Variants in HOGA1 observed in about 807,000 individuals in gnomAD.
The protein encoded by HOGA1 is 4-hydroxy-2-oxoglutarate aldolase, mitochondrial.
HOGA1 carries 30 observed loss-of-function variants against 34.3 expected under a neutral mutation model. That is an observed-to-expected ratio of 0.87 (90% CI 0.65 to 1.19). The LOEUF is 1.19. Ranked by LOEUF, HOGA1 falls within the 50% of genes most tolerant of loss-of-function variation. HOGA1 has a pLI of 0.00. For missense variants in HOGA1, 417 were observed against 436.5 expected (o/e 0.96, Z 0.40); for synonymous variants, 161 against 174.0 (o/e 0.93, Z 0.59).
rs561900620 is a variant in HOGA1, at chr10:97,603,326, A to C, written c.834+1336A>C. 1.3e-5 allele frequency among the ~76,000 whole-genome samples: 2 copies of C among 151,920 alleles called. No homozygotes were observed. The highest frequency in any genetic ancestry group is 4.8e-5 in the African/African-American group (2 of 41,376). ...GGTCATTCTCTGTCACCCAGGCTAGAGTACAGTGGTGTGATGACAGCTCAC... is the reference window on the plus strand; with the variant it reads ...GGTCATTCTCTGTCACCCAGGCTAGCGTACAGTGGTGTGATGACAGCTCAC... On this transcript the variant is annotated intron_variant, in intron 6 of 6. Coordinates refer to ENST00000370646, the MANE Select transcript of HOGA1 (RefSeq NM_138413.4). This position sits in a 1 kb window ranked among gnomAD's most constrained non-coding sequence, Gnocchi z 4.5.
intron 1 of HOGA1, among the ~76,000 whole-genome samples, chr10:97,597,530 A>G (rs138566256): frequency 6.6e-6 from 1 of 152,320 alleles, no homozygotes; most frequent in Non-Finnish European, 1.5e-5. Context: ...TGATAAAAAC[A>G]GGAAAACGCA....
chr10:97,591,561 G>T (rs902930418), intron 1 of HOGA1, among the ~76,000 whole-genome samples: 1 of 152,082 alleles, frequency 6.6e-6, no homozygotes, highest in Admixed American at 6.6e-5. Context: ...AGCCCTGCGT[G>T]CATTAGCTAT....
intron 1 of HOGA1, among the ~76,000 whole-genome samples, chr10:97,593,227 G>A (rs1217969616): frequency 1.3e-5 from 2 of 152,096 alleles, no homozygotes; most frequent in Admixed American, 1.3e-4. Context: ...TGTAATCCCA[G>A]CACTTTGGGA....
rs575089921 is a variant in HOGA1, at chr10:97,595,470, C to T, written c.212-3305C>T. 7.9e-5 allele frequency among the ~76,000 whole-genome samples: 12 copies of T among 152,322 alleles called. No homozygotes were observed. In the South Asian group the frequency reaches 1.4e-3, roughly 18 times the overall value. On this transcript the variant is annotated intron_variant, in intron 1 of 6. Transcript: ENST00000370646. ...CAGCACTTTGGGAGGCCAAGGCAGG[C>T]GGATCACCTGAGGCCAGGAGTTCGA...
Position 97,597,450 on chromosome 10 carries a change from C to T in HOGA1, c.212-1325C>T, listed in dbSNP as rs114986809. Among the ~76,000 whole-genome samples the T allele has an allele frequency of 3.4e-3, 513 of 151,912 alleles. 3 individuals carry two copies. Among genetic ancestry groups the T allele is most frequent in the Middle Eastern group, 0.01 (3 of 294 alleles). On this transcript the variant is annotated intron_variant, in intron 1 of 6. Transcript: ENST00000370646. ...AAAGAAGAAGAAAGAGAAAGTTAAG[C>T]GGGCTGGGCACTGTGGCTCACCTGT...
intron 5 of HOGA1, 122 bp downstream of exon 5, chr10:97,600,285 C>A: frequency 1.2e-6 from 1 of 848,096 alleles, no homozygotes; most frequent in Non-Finnish European, 2.0e-6. Flanking sequence ...GCCAGCCTGC[C>A]CACTCTGAAA....
intron 6 of HOGA1, among the ~76,000 whole-genome samples, chr10:97,608,784 C>T (rs1023320862): frequency 4.1e-5 from 6 of 146,618 alleles, no homozygotes; most frequent in African/African-American, 1.0e-4. Flanking sequence ...CCAGCCTGGG[C>T]GACAGAGTGG....
chr10:97,611,028 G>A (rs2041191360), intron 6 of HOGA1, among the ~76,000 whole-genome samples: 1 of 152,182 alleles, frequency 6.6e-6, no homozygotes, highest in African/African-American at 2.4e-5. Context: ...GTCAGGAGGA[G>A]CTATGGGGAG....
In HOGA1 at chr10:97,601,946, G is replaced by C. The variant is rs1438858905; in HGVS notation, c.790G>C (p.Asp264His). Reference sequence around the variant, plus strand: ...ACTGTGCTGCACGGGGCAATGGGAAGATGCCCAGAAACTGCAGCACCGCCT... The same window carrying C: ...ACTGTGCTGCACGGGGCAATGGGAACATGCCCAGAAACTGCAGCACCGCCT... ...ERLCCTGQWE[D>H]AQKLQHRLIE... is the part of the protein sequence containing the mutation. Residue 264 changes from aspartate to histidine, a missense_variant, in exon 6 of 7, where the codon GAT (aspartate) becomes CAT (histidine). Transcript: ENST00000370646. The C allele has an allele frequency of 3.1e-6, 5 of 1,613,322 alleles. No individual in the cohort carries two copies. Among genetic ancestry groups the C allele is most frequent in the Non-Finnish European group, 4.2e-6 (5 of 1,179,928 alleles).
chr10:97,602,285 T>C (rs1037676886), intron 6 of HOGA1: 48 of 1,362,292 alleles, frequency 3.5e-5, no homozygotes, highest in Admixed American at 4.6e-5. Flanking sequence ...TCCTGTGTGA[T>C]TGTGACAGAG....
chr10:97,607,478 T>C (rs1302201789), intron 6 of HOGA1, among the ~76,000 whole-genome samples: 2 of 152,200 alleles, frequency 1.3e-5, no homozygotes, highest in African/African-American at 4.8e-5. Context: ...TAGAGAGAAC[T>C]GGCTTCTGTT....
Position 97,611,524 on chromosome 10 carries a change from T to C in HOGA1, c.849T>C (p.Phe283=). The change falls in exon 7 of 7, where the codon TTT becomes TTC. Residue 283 remains phenylalanine (F), a synonymous_variant. Coordinates refer to ENST00000370646, the MANE Select transcript of HOGA1 (RefSeq NM_138413.4). The part of the protein sequence containing the change: ...IEPNAAVTRR[F]GIPGLKKIMD... ...CTGCTTTGCAGGTGACCCGGCGCTTTGGGATCCCAGGGCTGAAGAAAATCA... is the reference window on the plus strand; with the variant it reads ...CTGCTTTGCAGGTGACCCGGCGCTTCGGGATCCCAGGGCTGAAGAAAATCA... 6.2e-7 allele frequency: 1 copy of C among 1,614,242 alleles called. No homozygotes were observed. Among genetic ancestry groups the C allele is most frequent in the South Asian group, 1.1e-5 (1 of 91,088 alleles).
At chr10:97,596,183 A>T (rs766741337) in intron 1 of HOGA1, among the ~76,000 whole-genome samples, 1 of 152,180 alleles carries the variant, frequency 6.6e-6, no homozygotes, top group Non-Finnish European at 1.5e-5. Flanking sequence ...GTCAGGCATG[A>T]GTCAGTTGCC....
At chr10:97,588,599 A>G (rs1265946751) in intron 1 of HOGA1, among the ~76,000 whole-genome samples, 2 of 152,202 alleles carry the variant, frequency 1.3e-5, no homozygotes, top group Non-Finnish European at 1.5e-5. Flanking sequence ...CACACCCATA[A>G]ACACCCTCAA....
rs564172781 is a variant in HOGA1 at position 97,599,881 on chromosome 10, T to C, written c.603+67T>C. On this transcript the variant is annotated intron_variant, in intron 4 of 6. Coordinates refer to ENST00000370646, the MANE Select transcript of HOGA1 (RefSeq NM_138413.4). ...TTCTGGGTCCTAGCACTTTTGCTCC[T>C]GAGGGCAGCTCTGAGATCTGTTTCC... 30 of 1,608,350 alleles carry C rather than the reference T, an allele frequency of 1.9e-5. No individual in the cohort carries two copies. The Admixed American group carries it at 3.3e-4, about 18-fold the overall frequency.
chr10:97,586,374 T>C (rs2040971598), intron 1 of HOGA1, among the ~76,000 whole-genome samples: 1 of 152,238 alleles, frequency 6.6e-6, no homozygotes. Context: ...GCAGCAAAGC[T>C]GCTTTGTGAC....
At chr10:97,600,798 G>C (rs541820298) in intron 5 of HOGA1, 3 of 159,112 alleles carry the variant, frequency 1.9e-5, no homozygotes, top group Non-Finnish European at 4.2e-5. Flanking sequence ...CACTGCAGGG[G>C]AGAATGCTTG....
chr10:97,593,972 G>T (rs1014361855), intron 1 of HOGA1, among the ~76,000 whole-genome samples: 22 of 151,420 alleles, frequency 1.5e-4, no homozygotes, highest in Non-Finnish European at 2.8e-4. Context: ...GGGTTCAAGC[G>T]ATTCTCCTGC....
At chr10:97,600,341 C>A in intron 5 of HOGA1, 178 bp downstream of exon 5, 1 of 663,156 alleles carries the variant, frequency 1.5e-6, no homozygotes, top group South Asian at 1.7e-5. Flanking sequence ...ATTCGGGATG[C>A]TGTGAGTAAC....
Sources: allele counts gnomAD v4.1 joint callset (sites outside exome capture counted in the v4.1 genomes callset), GRCh38; gene constraint gnomAD v4.1.1; non-coding constraint Gnocchi (gnomAD v3.1); transcripts MANE v1.5; gene names NCBI Gene and HGNC (gene_info 2026-07-23, HGNC 2026-07-21).